RALYL: variants seen among roughly 807,000 people sequenced by gnomAD.
RALYL encodes RNA-binding Raly-like protein.
RALYL carries 29 observed loss-of-function variants against 35.1 expected under a neutral mutation model. The observed-to-expected ratio is 0.83, with a 90% CI of 0.61 to 1.13. RALYL has a LOEUF of 1.13. RALYL is among the 50% of genes most tolerant of loss of function. RALYL has a pLI of 0.00. For missense variants in RALYL, 359 were observed against 360.4 expected (o/e 1.00, Z 0.03); for synonymous variants, 120 against 127.6 (o/e 0.94, Z 0.40).
intron 1 of RALYL, among the ~76,000 whole-genome samples, chr8:84,210,848 G>T (rs1819324811): frequency 6.6e-6 from 1 of 150,902 alleles, no homozygotes; most frequent in Admixed American, 6.6e-5. Flanking sequence ...TAGCATCAGT[G>T]TCATGTCATA....
chr8:84,257,546 T>A (rs538699750), intron 1 of RALYL, among the ~76,000 whole-genome samples: 86 of 152,220 alleles, frequency 5.6e-4, no homozygotes, highest in African/African-American at 2.1e-3. Flanking sequence ...CAGGAAAACC[T>A]TTTGGTGTTA....
At chr8:84,678,114 C>T (rs1033889314) in intron 2 of RALYL, among the ~76,000 whole-genome samples, 2 of 152,082 alleles carry the variant, frequency 1.3e-5, no homozygotes, top group African/African-American at 2.4e-5. Context: ...CATACAAAAG[C>T]ACTTTGCTTT....
At chr8:84,578,748 CA>C (rs1386204338) in intron 2 of RALYL, among the ~76,000 whole-genome samples, 4 of 152,184 alleles carry the variant, frequency 2.6e-5, no homozygotes, top group Non-Finnish European at 5.9e-5. Context: ...CAAGCTGTCC[CA>C]ACAAGTCAAG....
intron 2 of RALYL, among the ~76,000 whole-genome samples, chr8:84,709,613 T>TA (rs1841820419): frequency 4.6e-5 from 7 of 150,720 alleles, no homozygotes; most frequent in African/African-American, 1.7e-4. Flanking sequence ...ATTCTTTTTT[T>TA]TAAAAAAAAA....
chr8:84,429,234 A>T (rs1193383850), intron 1 of RALYL, among the ~76,000 whole-genome samples: 3 of 152,204 alleles, frequency 2.0e-5, no homozygotes, highest in South Asian at 2.1e-4. Flanking sequence ...AGACTGCTTA[A>T]ATCATTGAAA....
intron 1 of RALYL, among the ~76,000 whole-genome samples, chr8:84,293,270 TTAATTAAC>T (rs1457588823): frequency 6.6e-6 from 1 of 152,154 alleles, no homozygotes; most frequent in Non-Finnish European, 1.5e-5. Context: ...GTTAGTCCTA[TTAATTAAC>T]GTTCATATGA....
intron 1 of RALYL, among the ~76,000 whole-genome samples, chr8:84,220,815 A>C (rs1586289285): frequency 6.6e-6 from 1 of 151,990 alleles, no homozygotes; most frequent in African/African-American, 2.4e-5. Flanking sequence ...CATTATTACC[A>C]TAAGTAAAAT....
rs185838338 is a variant in RALYL at position 84,660,569 on chromosome 8, T to C, written c.257-114010T>C. On this transcript the variant is annotated intron_variant, in intron 2 of 8. Transcript: ENST00000521268. ...ATAGAGTTTATATTTTATTTCCATATTTCATAGATTGTGGTTTTTCATGTT... is the reference window on the plus strand; with the variant it reads ...ATAGAGTTTATATTTTATTTCCATACTTCATAGATTGTGGTTTTTCATGTT... 5.3e-3 allele frequency among the ~76,000 whole-genome samples: 805 copies of C among 152,100 alleles called. 7 individuals are homozygous for C. The highest frequency in any genetic ancestry group is 0.018 in the African/African-American group (765 of 41,570).
At chr8:84,603,386 G>A (rs1816406676) in intron 2 of RALYL, among the ~76,000 whole-genome samples, 1 of 151,994 alleles carries the variant, frequency 6.6e-6, no homozygotes, top group Non-Finnish European at 1.5e-5. Context: ...CAGGTTAAAT[G>A]TTACTCTTCT....
intron 2 of RALYL, among the ~76,000 whole-genome samples, chr8:84,632,767 C>A (rs1044272338): frequency 7.2e-5 from 11 of 151,826 alleles, no homozygotes; most frequent in African/African-American, 2.7e-4. Context: ...TATCTCCAAA[C>A]AACATTATTT....
intron 4 of RALYL, among the ~76,000 whole-genome samples, chr8:84,840,218 G>GAA (rs543839884): frequency 0.013 from 1,899 of 150,634 alleles, 13 homozygotes; most frequent in Middle Eastern, 0.038. Context: ...AAAAAACCTT[G>GAA]AAAAAAAAAT....
chr8:84,687,796 G>A (rs946039835), intron 2 of RALYL, among the ~76,000 whole-genome samples: 4 of 151,948 alleles, frequency 2.6e-5, no homozygotes, highest in Non-Finnish European at 5.9e-5. Context: ...ACTACATCTT[G>A]AAGACAGTTG....
chr8:84,411,240 A>C (rs2044068166), intron 1 of RALYL, among the ~76,000 whole-genome samples: 1 of 151,974 alleles, frequency 6.6e-6, no homozygotes. Flanking sequence ...CCTAAACTAC[A>C]GAACATCACT....
chr8:84,547,511 C>T (rs761451196), intron 2 of RALYL, among the ~76,000 whole-genome samples: 2 of 151,996 alleles, frequency 1.3e-5, no homozygotes, highest in African/African-American at 2.4e-5. Context: ...TCCCGAGGAG[C>T]TGGGACTACA....
At chr8:84,608,480 T>C (rs1335739107) in intron 2 of RALYL, among the ~76,000 whole-genome samples, 1 of 152,146 alleles carries the variant, frequency 6.6e-6, no homozygotes, top group Non-Finnish European at 1.5e-5. Context: ...CTGAAGGCCC[T>C]GTTGTTCCTT....
intron 1 of RALYL, among the ~76,000 whole-genome samples, chr8:84,198,379 T>C (rs1420079980): frequency 6.6e-6 from 1 of 152,234 alleles, no homozygotes; most frequent in Admixed American, 6.5e-5. Context: ...TTTTTTATTT[T>C]GTGGGTACAT....
intron 2 of RALYL, among the ~76,000 whole-genome samples, chr8:84,762,595 G>A (rs1376586097): frequency 6.6e-6 from 1 of 152,122 alleles, no homozygotes; most frequent in Non-Finnish European, 1.5e-5. Flanking sequence ...AAGTTAAAAA[G>A]TCAGCTTTAT....
intron 2 of RALYL, among the ~76,000 whole-genome samples, chr8:84,600,502 G>A (rs1365247393): frequency 6.6e-6 from 1 of 152,076 alleles, no homozygotes; most frequent in Non-Finnish European, 1.5e-5. Context: ...AGAAAGGTCT[G>A]CACTTTAAAA....
rs35794329 is a variant in RALYL, at chr8:84,525,953, C to CTTTTTTTTTTTTTTTTTTTT, written c.-23-3343_-23-3324dup. Among the ~76,000 whole-genome samples the CTTTTTTTTTTTTTTTTTTTT allele has an allele frequency of 2.3e-4, 24 of 104,844 alleles. 1 individual carries two copies. The highest frequency in any genetic ancestry group is 7.7e-4 in the African/African-American group (20 of 26,008). The allele number at this position is 104,844 out of a possible 152,430, so 68.8% of individuals were successfully genotyped here. A position where few individuals can be genotyped will look rare whatever the true frequency, so the allele number is the denominator to read the frequency against. ...ACTTCTATTTTCTCTTTTCTTTTTT[C>CTTTTTTTTTTTTTTTTTTTT]TTTTTTTTTTTTTTTTTTTTTTGAG... On this transcript the variant is annotated intron_variant, in intron 1 of 8. Coordinates refer to ENST00000521268, the MANE Select transcript of RALYL (RefSeq NM_173848.7).
Sources: allele counts gnomAD v4.1 joint callset (sites outside exome capture counted in the v4.1 genomes callset), GRCh38; gene constraint gnomAD v4.1.1; transcripts MANE v1.5; gene names NCBI Gene and HGNC (gene_info 2026-07-23, HGNC 2026-07-21).